SAMMSON: variants seen among roughly 807,000 people sequenced by gnomAD.
SAMMSON encodes the protein long intergenic non-protein coding RNA 1212.
At chr3:70,299,470 C>A (rs1188770326) in intron 7 of SAMMSON, among the ~76,000 whole-genome samples, 4 of 152,006 alleles carry the variant, frequency 2.6e-5, no homozygotes, top group South Asian at 2.1e-4. Flanking sequence ...AAAGCACATA[C>A]CCCTAGAGAC....
chr3:70,163,350 T>C (rs2067623806), intron 4 of SAMMSON, among the ~76,000 whole-genome samples: 1 of 147,570 alleles, frequency 6.8e-6, no homozygotes. Flanking sequence ...AGAATATATA[T>C]ATATAGAGAG....
intron 6 of SAMMSON, among the ~76,000 whole-genome samples, chr3:70,278,175 T>C (rs959442878): frequency 6.6e-6 from 1 of 152,206 alleles, no homozygotes; most frequent in Non-Finnish European, 1.5e-5. Context: ...ATAAATGGGC[T>C]CATAGTGTAT....
intron 4 of SAMMSON, chr3:70,140,265 A>G (rs2067522516): frequency 1.1e-5 from 2 of 190,274 alleles, no homozygotes; most frequent in South Asian, 1.2e-4. Context: ...CGAAGATCTC[A>G]TGGAGGAGGA....
At chr3:70,015,679 A>G (rs2066980829) in intron 3 of SAMMSON, among the ~76,000 whole-genome samples, 1 of 151,980 alleles carries the variant, frequency 6.6e-6, no homozygotes, top group South Asian at 2.1e-4. Flanking sequence ...CTCGTCATTT[A>G]CTTTAGGTAT....
chr3:70,279,031 T>C lies in SAMMSON; in HGVS notation n.675-12148T>C, dbSNP rs567866456. On this transcript the variant is annotated intron_variant and non_coding_transcript_variant, in intron 6 of 9. Coordinates refer to ENST00000642114, the Ensembl canonical transcript of SAMMSON. ...ATGTAGATGCCTATCAGTATCTAAT[T>C]TTCTCCCTTGTCAAGCTTTCTCCCT... 2.0e-5 allele frequency among the ~76,000 whole-genome samples: 3 copies of C among 150,948 alleles called. No individual in the cohort carries two copies. The East Asian group carries it at 5.9e-4, about 30-fold the overall frequency.
chr3:70,031,571 AT>A (rs924923065), intron 3 of SAMMSON, among the ~76,000 whole-genome samples: 4 of 152,188 alleles, frequency 2.6e-5, no homozygotes. Context: ...AGGGTGAAAT[AT>A]TTCTGGGCAA....
chr3:70,049,677 TATC>T (rs1489353224), intron 3 of SAMMSON, among the ~76,000 whole-genome samples: 1 of 152,102 alleles, frequency 6.6e-6, no homozygotes, highest in African/African-American at 2.4e-5. Context: ...TCATCATCAT[TATC>T]ATTATAATTC....
chr3:70,297,817 CT>C (rs1381420015), intron 7 of SAMMSON, among the ~76,000 whole-genome samples: 4 of 152,034 alleles, frequency 2.6e-5, no homozygotes, highest in Non-Finnish European at 5.9e-5. Flanking sequence ...TTATCATAAA[CT>C]CACAGGCTTC....
chr3:70,099,754 T>A (rs2067335523), intron 4 of SAMMSON, among the ~76,000 whole-genome samples: 1 of 152,198 alleles, frequency 6.6e-6, no homozygotes, highest in South Asian at 2.1e-4. Flanking sequence ...TTCTTCCAAG[T>A]TCTTGCTCAC....
intron 7 of SAMMSON, among the ~76,000 whole-genome samples, chr3:70,322,603 C>T (rs1293848533): frequency 6.6e-6 from 1 of 152,112 alleles, no homozygotes; most frequent in Non-Finnish European, 1.5e-5. Flanking sequence ...ATGGGTCAGT[C>T]TTAAAGCAGG....
chr3:70,127,118 A>C (rs1404344151), intron 4 of SAMMSON: 1 of 152,236 alleles, frequency 6.6e-6, no homozygotes, highest in African/African-American at 2.4e-5. Context: ...AAATTATGAC[A>C]AAGGCTGTAC....
At chr3:70,109,712 G>T (rs2067380829) in intron 4 of SAMMSON, among the ~76,000 whole-genome samples, 1 of 152,156 alleles carries the variant, frequency 6.6e-6, no homozygotes, top group South Asian at 2.1e-4. Context: ...ATACACGTGG[G>T]ATCCACTCTG....
At chr3:70,289,889 G>C (rs1377085186) in intron 6 of SAMMSON, among the ~76,000 whole-genome samples, 1 of 151,662 alleles carries the variant, frequency 6.6e-6, no homozygotes, top group African/African-American at 2.4e-5. Flanking sequence ...CGTAGTTCTC[G>C]AGCCTTGGTT....
At chr3:70,106,115 T>G (rs2067366504) in intron 4 of SAMMSON, among the ~76,000 whole-genome samples, 1 of 152,196 alleles carries the variant, frequency 6.6e-6, no homozygotes, top group Non-Finnish European at 1.5e-5. Flanking sequence ...ATTAACTTCT[T>G]GACTTTAAAT....
intron 4 of SAMMSON, among the ~76,000 whole-genome samples, chr3:70,170,284 A>G (rs1234616214): frequency 6.6e-6 from 1 of 151,906 alleles, no homozygotes; most frequent in Non-Finnish European, 1.5e-5. Context: ...CTGAAAAATG[A>G]AACAGGTACT....
chr3:70,242,180 T>A (rs1328794488), intron 4 of SAMMSON, among the ~76,000 whole-genome samples: 3 of 152,192 alleles, frequency 2.0e-5, no homozygotes, highest in Non-Finnish European at 4.4e-5. Context: ...AGGCTGGGGA[T>A]TGGGCTTCTG....
At chr3:70,185,229 G>C (rs1701083444) in intron 4 of SAMMSON, among the ~76,000 whole-genome samples, 1 of 152,106 alleles carries the variant, frequency 6.6e-6, no homozygotes, top group Non-Finnish European at 1.5e-5. Context: ...GCCTTAACTG[G>C]ATTTGCCACA....
chr3:70,089,909 T>C (rs1056424566), intron 4 of SAMMSON, among the ~76,000 whole-genome samples: 3 of 152,168 alleles, frequency 2.0e-5, no homozygotes, highest in Admixed American at 6.6e-5. Flanking sequence ...ATGCTCCTAT[T>C]AAGCAGATGG....
intron 4 of SAMMSON, among the ~76,000 whole-genome samples, chr3:70,081,976 T>C (rs1011132848): frequency 2.6e-5 from 4 of 152,150 alleles, no homozygotes; most frequent in African/African-American, 9.6e-5. Context: ...GCTTTACAGA[T>C]TGACACAAAG....
Sources: gnomAD v4.1 joint callset for allele counts (sites outside exome capture counted in the v4.1 genomes callset) on GRCh38, gnomAD v4.1.1 for gene constraint, MANE v1.5 for transcripts, NCBI Gene and HGNC (gene_info 2026-07-23, HGNC 2026-07-21) for gene names.